TCF12: variants seen among roughly 807,000 people sequenced by gnomAD.
TCF12 encodes the protein DNA-binding protein HTF4.
In TCF12, 45 loss-of-function variants were observed where a neutral mutation model predicts 86.0. The observed-to-expected ratio is 0.52, with a 90% CI of 0.41 to 0.67. The LOEUF (loss-of-function observed/expected upper bound fraction) is 0.67. Among genes scored for constraint, TCF12 ranks in the 30% least tolerant of loss-of-function variants. The pLI, the probability that TCF12 is intolerant of heterozygous loss-of-function variation, is 0.00. For missense variants in TCF12, 881 were observed against 859.9 expected (o/e 1.02, Z -0.31); for synonymous variants, 330 against 299.6 (o/e 1.10, Z -1.05).
chr15:56,979,207 G>A (rs1287634290), intron 3 of TCF12, among the ~76,000 whole-genome samples: 7 of 152,140 alleles, frequency 4.6e-5, no homozygotes, highest in African/African-American at 1.7e-4. Flanking sequence ...TGAGTCTTTA[G>A]GATAAGAAGC....
intron 3 of TCF12, among the ~76,000 whole-genome samples, chr15:56,974,457 C>G (rs1251117613): frequency 4.6e-5 from 7 of 151,942 alleles, no homozygotes; most frequent in African/African-American, 1.7e-4. Flanking sequence ...CAAATTATGT[C>G]AAAATAAAAT....
rs866452172 is a variant in TCF12 at position 57,024,807 on chromosome 15, A to G, written c.149-38943A>G. On this transcript the variant is annotated intron_variant, in intron 3 of 20. Coordinates refer to ENST00000333725, the MANE Select transcript of TCF12 (RefSeq NM_207037.2). ...CTCCACATATAAAAGAACCATGCACATTCGTCAACAAGCTCACTTCCCTTT... is the reference window on the plus strand; with the variant it reads ...CTCCACATATAAAAGAACCATGCACGTTCGTCAACAAGCTCACTTCCCTTT... 2.4e-4 allele frequency among the ~76,000 whole-genome samples: 36 copies of G among 152,224 alleles called. 1 individual carries two copies. Among genetic ancestry groups the G allele is most frequent in the Non-Finnish European group, 1.6e-4 (11 of 68,044 alleles).
At chr15:57,127,968 A>T (rs951995427) in intron 5 of TCF12, among the ~76,000 whole-genome samples, 5 of 152,198 alleles carry the variant, frequency 3.3e-5, no homozygotes, top group Non-Finnish European at 7.3e-5. Flanking sequence ...TACCAAATTC[A>T]TTTAACAGTA....
intron 6 of TCF12, among the ~76,000 whole-genome samples, chr15:57,176,178 A>G (rs965553669): frequency 4.6e-5 from 7 of 152,310 alleles, no homozygotes; most frequent in Non-Finnish European, 4.4e-5. Context: ...AGCCTAGGTG[A>G]CAGAATGAAA....
intron 6 of TCF12, among the ~76,000 whole-genome samples, chr15:57,167,078 T>C (rs1056841889): frequency 1.3e-5 from 2 of 152,142 alleles, no homozygotes; most frequent in East Asian, 3.9e-4. Context: ...AGGCAGAACA[T>C]ATTAAATTTG....
intron 5 of TCF12, among the ~76,000 whole-genome samples, chr15:57,147,882 CTT>C (rs75528355): frequency 1.9e-4 from 26 of 137,880 alleles, no homozygotes; most frequent in Admixed American, 2.2e-4. Flanking sequence ...GGAAACTAGA[CTT>C]TTTTTTTTTT....
At chr15:57,058,150 A>G (rs535397504) in intron 3 of TCF12, among the ~76,000 whole-genome samples, 8 of 152,292 alleles carry the variant, frequency 5.3e-5, no homozygotes, top group Non-Finnish European at 1.2e-4. Context: ...CCATTAAACA[A>G]TTCCCAAGTC....
At chr15:57,134,552 C>G (rs182483285) in intron 5 of TCF12, 1 of 152,252 alleles carries the variant, frequency 6.6e-6, no homozygotes, top group Admixed American at 6.5e-5. Context: ...ACACTTAATG[C>G]ATATAAAGAT....
chr15:57,267,304 T>TG, intron 18 of TCF12, among the ~76,000 whole-genome samples: 1 of 152,278 alleles, frequency 6.6e-6, no homozygotes, highest in South Asian at 2.1e-4. Context: ...ACATTTATCT[T>TG]GGGAAAAAGG....
chr15:57,131,493 TATTA>T (rs2052115514), intron 5 of TCF12, among the ~76,000 whole-genome samples: 2 of 152,208 alleles, frequency 1.3e-5, no homozygotes, highest in African/African-American at 4.8e-5. Flanking sequence ...TTAAGTCCAA[TATTA>T]CTGTTTTTAC....
In TCF12 at chr15:56,990,711, T is replaced by TA. The variant is rs2063411121; in HGVS notation, c.148+69614dup. Among the ~76,000 whole-genome samples, 4 of 152,304 alleles carry TA rather than the reference T, an allele frequency of 2.6e-5. No individual in the cohort carries two copies. The South Asian group carries it at 6.2e-4, about 24-fold the overall frequency. Reference sequence around the variant, plus strand: ...GTGTTCTTGGGTTATGATTCTGAAATACTGCTGAGCTTTAAAAACTTTAGC... The same window carrying TA: ...GTGTTCTTGGGTTATGATTCTGAAATAACTGCTGAGCTTTAAAAACTTTAGC... On this transcript the variant is annotated intron_variant, in intron 3 of 20. Transcript: ENST00000333725.
intron 3 of TCF12, among the ~76,000 whole-genome samples, chr15:56,925,674 T>C (rs1310707552): frequency 6.6e-6 from 1 of 152,222 alleles, no homozygotes; most frequent in Non-Finnish European, 1.5e-5. Context: ...GTAGCACTAT[T>C]AGAAAGGCTC....
At chr15:57,133,822 T>A (rs986262695) in intron 5 of TCF12, among the ~76,000 whole-genome samples, 2 of 152,232 alleles carry the variant, frequency 1.3e-5, no homozygotes, top group Admixed American at 6.5e-5. Context: ...TGTTATGTGC[T>A]TTTCTCTTTT....
intron 19 of TCF12, among the ~76,000 whole-genome samples, chr15:57,276,472 A>G (rs1269480672): frequency 2.0e-5 from 3 of 152,244 alleles, no homozygotes; most frequent in African/African-American, 7.2e-5. Flanking sequence ...TAGGATAGAA[A>G]GTCGATGGAA....
At chr15:57,265,557 G>A (rs1290412554) in intron 18 of TCF12, among the ~76,000 whole-genome samples, 2 of 152,078 alleles carry the variant, frequency 1.3e-5, no homozygotes, top group African/African-American at 4.8e-5. Context: ...TTAAATGTAT[G>A]CATAGTTCAC....
chr15:57,099,096 A>C (rs1038581381), intron 5 of TCF12, among the ~76,000 whole-genome samples: 2 of 152,186 alleles, frequency 1.3e-5, no homozygotes, highest in Admixed American at 6.5e-5. Context: ...ATCAGTGGAC[A>C]TGTGCATTTA....
In TCF12 at chr15:57,049,915, C is replaced by T. The variant is rs190787463; in HGVS notation, c.149-13835C>T. On this transcript the variant is annotated intron_variant, in intron 3 of 20. Coordinates refer to ENST00000333725, the MANE Select transcript of TCF12 (RefSeq NM_207037.2). ...TAATTATTTTGTGCCTTTGTTTTGCCCTTTCTGACTTATTAATCAAATATT... is the reference window on the plus strand; with the variant it reads ...TAATTATTTTGTGCCTTTGTTTTGCTCTTTCTGACTTATTAATCAAATATT... Among the ~76,000 whole-genome samples, 8 of 151,974 alleles carry T rather than the reference C, an allele frequency of 5.3e-5. No individual in the cohort carries two copies. The East Asian group carries it at 1.4e-3, about 26-fold the overall frequency.
intron 6 of TCF12, among the ~76,000 whole-genome samples, chr15:57,188,957 G>A (rs1388668459): frequency 6.6e-6 from 1 of 152,114 alleles, no homozygotes; most frequent in African/African-American, 2.4e-5. Context: ...CTGGCTAATG[G>A]TTTTAATTTT....
chr15:56,921,216 G>C (rs1387390559), intron 3 of TCF12, 118 bp downstream of exon 3: 1 of 577,968 alleles, frequency 1.7e-6, no homozygotes, highest in African/African-American at 1.9e-5. Context: ...AGATGGAATT[G>C]AGTCAAGTGA....
Sources: gnomAD v4.1 joint callset for allele counts (sites outside exome capture counted in the v4.1 genomes callset) on GRCh38, gnomAD v4.1.1 for gene constraint, MANE v1.5 for transcripts, NCBI Gene and HGNC (gene_info 2026-07-23, HGNC 2026-07-21) for gene names.